The following TENM2 variants were observed in gnomAD, a reference collection of about 807,000 sequenced individuals.
TENM2 encodes teneurin-2.
Under a neutral mutation model 245.2 loss-of-function variants are expected in TENM2, and 52 were observed. That is an observed-to-expected ratio of 0.21 (90% CI 0.17 to 0.27). TENM2 has a LOEUF of 0.27. Among genes scored for constraint, TENM2 ranks in the 10% least tolerant of loss-of-function variants. TENM2 has a pLI of 1.00. For synonymous variants in TENM2, 1,363 were observed against 1,438.9 expected (o/e 0.95, Z 1.19); for missense variants, 3,046 against 3,666.8 (o/e 0.83, Z 4.37).
At chr5:167,972,596 T>C (rs1259370762) in intron 4 of TENM2, among the ~76,000 whole-genome samples, 5 of 152,212 alleles carry the variant, frequency 3.3e-5, no homozygotes, top group African/African-American at 1.2e-4. Flanking sequence ...GTGAAATTAC[T>C]AGATCAAAGG....
chr5:167,218,371 A>T, the TENM2 span, among the ~76,000 whole-genome samples: 3 of 151,958 alleles, frequency 2.0e-5, no homozygotes, highest in Non-Finnish European at 4.4e-5. Context: ...TAATTTTTAA[A>T]TTTTTTTTCC....
chr5:167,748,470 C>T (rs1261541237), intron 2 of TENM2, among the ~76,000 whole-genome samples: 2 of 152,062 alleles, frequency 1.3e-5, no homozygotes, highest in Non-Finnish European at 2.9e-5. Flanking sequence ...CCTCTACCTC[C>T]TTGGCTCAAG....
chr5:168,131,311 GTATTTTATC>G (rs1304803896), intron 12 of TENM2, among the ~76,000 whole-genome samples: 1 of 152,166 alleles, frequency 6.6e-6, no homozygotes. Context: ...TTCAACTTGT[GTATTTTATC>G]TATGTGGTCC....
chr5:167,452,182 G>A (rs1765627090), intron 2 of TENM2, among the ~76,000 whole-genome samples: 1 of 152,156 alleles, frequency 6.6e-6, no homozygotes, highest in Non-Finnish European at 1.5e-5. Flanking sequence ...CTTGCTTCTG[G>A]CTTCTGAGTG....
At chr5:167,900,895 G>T (rs936190482) in intron 3 of TENM2, among the ~76,000 whole-genome samples, 1 of 151,888 alleles carries the variant, frequency 6.6e-6, no homozygotes. Context: ...GGACTTTTCT[G>T]TGGGAGATTG....
At chr5:167,857,940 T>G (rs1174188465) in intron 2 of TENM2, among the ~76,000 whole-genome samples, 1 of 152,216 alleles carries the variant, frequency 6.6e-6, no homozygotes, top group African/African-American at 2.4e-5. Flanking sequence ...GCATTCTCTT[T>G]CTGAATTACA....
At chr5:167,727,344 C>A (rs982654225) in intron 2 of TENM2, among the ~76,000 whole-genome samples, 1 of 152,040 alleles carries the variant, frequency 6.6e-6, no homozygotes, top group African/African-American at 2.4e-5. Context: ...GATCCCCTGA[C>A]CTCGTGATCC....
At chr5:167,300,161 G>A (rs921352886) in intron 1 of TENM2, among the ~76,000 whole-genome samples, 5 of 152,130 alleles carry the variant, frequency 3.3e-5, no homozygotes, top group African/African-American at 4.8e-5. Context: ...AAGGGATTGA[G>A]GTTTGGGAGA....
intron 2 of TENM2, among the ~76,000 whole-genome samples, chr5:167,776,161 C>CCACACACACA (rs66740766): frequency 0.17 from 22,966 of 132,926 alleles, 2,452 homozygotes; most frequent in East Asian, 0.47. Flanking sequence ...AAAAAAAAAT[C>CCACACACACA]CACACACACA....
intron 5 of TENM2, among the ~76,000 whole-genome samples, chr5:168,018,705 A>C (rs563251021): frequency 6.6e-6 from 1 of 152,294 alleles, no homozygotes; most frequent in South Asian, 2.1e-4. Flanking sequence ...TCAATATTTT[A>C]ATTTTAAGAC....
chr5:167,742,565 A>C (rs1761256848), intron 2 of TENM2, among the ~76,000 whole-genome samples: 1 of 152,132 alleles, frequency 6.6e-6, no homozygotes, highest in Non-Finnish European at 1.5e-5. Context: ...ATTAAGAGAG[A>C]GCTTTTGTTG....
intron 2 of TENM2, among the ~76,000 whole-genome samples, chr5:167,777,201 T>G (rs1000254923): frequency 2.0e-5 from 3 of 152,184 alleles, no homozygotes; most frequent in African/African-American, 7.2e-5. Context: ...GAAAGTCCAC[T>G]GAGGCAGCTT....
chr5:167,802,123 G>T (rs1184525967), intron 2 of TENM2, among the ~76,000 whole-genome samples: 1 of 152,076 alleles, frequency 6.6e-6, no homozygotes, highest in African/African-American at 2.4e-5. Context: ...CTTTTATGAA[G>T]TCATTAATCC....
intron 2 of TENM2, among the ~76,000 whole-genome samples, chr5:167,716,402 A>G (rs915167762): frequency 2.0e-5 from 3 of 152,122 alleles, no homozygotes; most frequent in Non-Finnish European, 4.4e-5. Flanking sequence ...TTCATCTGAG[A>G]GTTTATACCA....
At chr5:167,892,239 A>T (rs1022610703) in intron 3 of TENM2, among the ~76,000 whole-genome samples, 18 of 152,236 alleles carry the variant, frequency 1.2e-4, no homozygotes, top group African/African-American at 4.1e-4. Context: ...TCCAGAATGG[A>T]TGATCTGTAG....
chr5:167,369,852 A>G (rs1011198040), intron 1 of TENM2, among the ~76,000 whole-genome samples: 16 of 152,166 alleles, frequency 1.1e-4, no homozygotes, highest in Admixed American at 7.2e-4. Context: ...GTATCCTGGT[A>G]TTACCATGAC....
intron 2 of TENM2, among the ~76,000 whole-genome samples, chr5:167,716,445 T>G (rs1028606834): frequency 2.0e-5 from 3 of 152,220 alleles, no homozygotes; most frequent in Admixed American, 2.0e-4. Context: ...TGGGTTCATG[T>G]CAGTTAGAAT....
intron 13 of TENM2, among the ~76,000 whole-genome samples, chr5:168,189,784 T>G (rs1162650188): frequency 2.6e-5 from 4 of 152,250 alleles, no homozygotes; most frequent in Non-Finnish European, 4.4e-5. Flanking sequence ...AAAATTGTAT[T>G]TCTAATAGAG....
chr5:167,409,005 CA>C (rs900702592), intron 2 of TENM2, among the ~76,000 whole-genome samples: 8 of 151,134 alleles, frequency 5.3e-5, no homozygotes, highest in African/African-American at 1.5e-4. Flanking sequence ...TGTGTGCAAT[CA>C]TTTTTTAGGG....
Sources: allele counts gnomAD v4.1 joint callset (sites outside exome capture counted in the v4.1 genomes callset), GRCh38; gene constraint gnomAD v4.1.1; transcripts MANE v1.5; gene names NCBI Gene and HGNC (gene_info 2026-07-23, HGNC 2026-07-21).